Variants in ITGAV observed in about 807,000 individuals in gnomAD.
ITGAV encodes integrin subunit alpha V.
ITGAV carries 76 observed loss-of-function variants against 143.8 expected under a neutral mutation model. The ratio of observed to expected loss-of-function variants is 0.53; its 90% CI spans 0.44 to 0.64. The LOEUF (loss-of-function observed/expected upper bound fraction) is 0.64, where lower values mean the gene tolerates loss of function less well. Among genes scored for constraint, ITGAV ranks in the 30% least tolerant of loss-of-function variants. The pLI, the probability that ITGAV is intolerant of heterozygous loss-of-function variation, is 0.00. For synonymous variants in ITGAV, 453 were observed against 446.7 expected, an observed-to-expected ratio of 1.01 and a Z score of -0.18; for missense variants, 1,193 against 1,274.7, an observed-to-expected ratio of 0.94 and a Z score of 0.98.
intron 21 of ITGAV, 122 bp downstream of exon 21, chr2:186,665,340 T>A: frequency 1.5e-6 from 1 of 652,342 alleles, no homozygotes; most frequent in East Asian, 2.7e-5. Context: ...TTGGTTTCGA[T>A]ATAATAGTTA....
intron 28 of ITGAV, 63 bp downstream of exon 28, chr2:186,675,990 AT>A (rs1436634923): frequency 1.1e-6 from 1 of 928,386 alleles, no homozygotes; most frequent in East Asian, 2.5e-5. Flanking sequence ...ACATGTTTTT[AT>A]TTTGTTTTTT....
chr2:186,652,583 T>G (rs1461891336), intron 15 of ITGAV, among the ~76,000 whole-genome samples: 8 of 152,156 alleles, frequency 5.3e-5, no homozygotes, highest in African/African-American at 1.9e-4. Flanking sequence ...TATAAATTAG[T>G]ATGAAATTAA....
At chr2:186,600,506 C>G (rs988862136) in intron 1 of ITGAV, 5 of 1,287,428 alleles carry the variant, frequency 3.9e-6, no homozygotes, top group Non-Finnish European at 5.4e-6. Flanking sequence ...CCCCTCTCAT[C>G]CTTAGAGATA....
chr2:186,627,906 AC>A (rs1687717952), intron 4 of ITGAV, among the ~76,000 whole-genome samples: 1 of 152,182 alleles, frequency 6.6e-6, no homozygotes, highest in Non-Finnish European at 1.5e-5. Context: ...ACTTTCAGTA[AC>A]CCTTGATTAT....
At position 186,667,725 on chromosome 2, in the gene ITGAV, G is replaced by A. The variant is rs1224062451; in HGVS notation, c.2382G>A (p.Glu794=). The A allele has an allele frequency of 1.9e-6, 3 of 1,611,402 alleles. No homozygotes were observed. Among genetic ancestry groups the A allele is most frequent in the East Asian group, 2.2e-5 (1 of 44,822 alleles). ...FLPIPNWEHK[E]NPETEEDVGP... is the part of the protein sequence containing the mutation. ...CGATTCCAAACTGGGAGCACAAGGAGAACCCTGAGACTGAAGAAGATGTTG... is the reference window on the plus strand; with the variant it reads ...CGATTCCAAACTGGGAGCACAAGGAAAACCCTGAGACTGAAGAAGATGTTG... The change falls in exon 24 of 30, where the codon GAG becomes GAA. Residue 794 remains glutamate, a synonymous_variant. Transcript: ENST00000261023.
rs950803144 is a variant in ITGAV, at chr2:186,643,859, T to C, written c.1159+2271T>C. 2.7e-4 allele frequency among the ~76,000 whole-genome samples: 41 copies of C among 152,100 alleles called. 2 individuals carry two copies. Among genetic ancestry groups the C allele is most frequent in the South Asian group, 2.1e-4 (1 of 4,814 alleles). The stretch of plus-strand genomic sequence containing the variant: ...TTAACATGTATAAAATAATGAAACG[T>C]TTAGGAAAGTTACAGATAATTTTTA... On this transcript the variant is annotated intron_variant, in intron 12 of 29. Coordinates refer to ENST00000261023, the MANE Select transcript of ITGAV (RefSeq NM_002210.5).
Position 186,664,495 on chromosome 2 carries a change from G to C in ITGAV, c.1927G>C (p.Asp643His). The change falls in exon 20 of 30, where the codon GAT becomes CAT. Residue 643 changes from aspartate (D) to histidine (H), a missense_variant and splice_region_variant. Asp to His is a moderately conservative substitution (Grantham distance 81, BLOSUM62 -1). Transcript: ENST00000261023. ...KPKLEVSVDS[D>H]QKKIYIGDDN... is the part of the protein sequence containing the mutation. ...TGGATTTGTATTGTTAACTTGTAGTGATCAAAAGAAGATCTATATTGGGGA... is the reference window on the plus strand; with the variant it reads ...TGGATTTGTATTGTTAACTTGTAGTCATCAAAAGAAGATCTATATTGGGGA... The C allele has an allele frequency of 6.2e-7, 1 of 1,613,534 alleles. No individual in the cohort carries two copies. Among genetic ancestry groups the C allele is most frequent in the Non-Finnish European group, 8.5e-7 (1 of 1,179,722 alleles).
At chr2:186,658,955 C>G in intron 17 of ITGAV, 83 bp from the exon 18 acceptor site, 2 of 963,156 alleles carry the variant, frequency 2.1e-6, no homozygotes, top group Non-Finnish European at 3.1e-6. Context: ...ATGAATACAG[C>G]TGGCTTTGTA....
chr2:186,622,430 G>A lies in ITGAV; in HGVS notation c.408G>A (p.Leu136=). 1 of 1,602,150 alleles carries A rather than the reference G, an allele frequency of 6.2e-7. No homozygotes were observed. The highest frequency in any genetic ancestry group is 8.6e-7 in the Non-Finnish European group (1 of 1,169,282). ...TGAGGTCGAAACAGGATAAAATTTT[G>A]GTGAGTCTTCTGGATATTTACTTAC... is the stretch of plus-strand genomic sequence containing the variant. ...ASVRSKQDKI[L]ACAPLYHWRT... is the part of the protein sequence containing the mutation. Residue 136 remains leucine (L), a splice_region_variant and synonymous_variant, in exon 3 of 30, where the codon TTG becomes TTA. Transcript: ENST00000261023.
intron 12 of ITGAV, 62 bp downstream of exon 12, chr2:186,641,650 G>A (rs965859254): frequency 7.2e-7 from 1 of 1,394,344 alleles, no homozygotes; most frequent in Non-Finnish European, 1.0e-6. Context: ...GAAAAGTTCT[G>A]TAAGTCCATC....
intron 13 of ITGAV, 123 bp downstream of exon 13, chr2:186,647,000 CCT>C: frequency 1.5e-6 from 1 of 688,216 alleles, no homozygotes; most frequent in Non-Finnish European, 2.3e-6. Context: ...GTTGATCAAA[CCT>C]CTAAAATATT....
chr2:186,669,848 A>G (rs1689015976), intron 26 of ITGAV, 34 bp downstream of exon 26: 7 of 1,363,860 alleles, frequency 5.1e-6, no homozygotes, highest in Non-Finnish European at 6.3e-6. Context: ...CACCATAGAC[A>G]TTTAAAAATA....
intron 3 of ITGAV, among the ~76,000 whole-genome samples, 200 bp from the exon 4 acceptor site, chr2:186,625,273 G>C (rs1687641051): frequency 6.6e-6 from 1 of 152,076 alleles, no homozygotes; most frequent in Non-Finnish European, 1.5e-5. Context: ...CTACTCAAGA[G>C]GGTAAGGCCA....
rs201172979 is a variant in ITGAV at position 186,666,750 on chromosome 2, A to T, written c.2213A>T (p.Asp738Val). ...RFSVHQQSEM[D>V]TSVKFDLQIQ... is the part of the protein sequence containing the mutation. The stretch of plus-strand genomic sequence containing the variant: ...AGTGTGCACCAGCAGTCAGAGATGG[A>T]TACTTCTGTGAAATTTGACTTACAA... The change falls in exon 22 of 30, where the codon GAT becomes GTT. Residue 738 changes from aspartate to valine, a missense_variant. Transcript: ENST00000261023. 1.3e-6 allele frequency: 2 copies of T among 1,586,448 alleles called. No homozygotes were observed. The highest frequency in any genetic ancestry group is 8.6e-7 in the Non-Finnish European group (1 of 1,168,724).
intron 2 of ITGAV, among the ~76,000 whole-genome samples, chr2:186,603,237 T>C (rs1367283491): frequency 1.3e-5 from 2 of 152,240 alleles, no homozygotes; most frequent in Non-Finnish European, 2.9e-5. Flanking sequence ...TTTGCTGGCT[T>C]TGACAGAGTG....
intron 2 of ITGAV, among the ~76,000 whole-genome samples, chr2:186,605,917 TATG>T (rs1687055115): frequency 6.6e-6 from 1 of 150,946 alleles, no homozygotes; most frequent in Admixed American, 6.6e-5. Context: ...TGTCCCTGTT[TATG>T]ATATTTCTGT....
intron 2 of ITGAV, among the ~76,000 whole-genome samples, chr2:186,618,406 A>C (rs1268873367): frequency 6.6e-6 from 1 of 152,236 alleles, no homozygotes; most frequent in Non-Finnish European, 1.5e-5. Context: ...AAGATATGTC[A>C]AATTTGTACT....
chr2:186,637,140 TA>T (rs1188664073), intron 8 of ITGAV, 31 bp downstream of exon 8: 27 of 1,555,262 alleles, frequency 1.7e-5, no homozygotes, highest in African/African-American at 5.4e-5. Flanking sequence ...ATCTAATCTT[TA>T]AAAAAATTAG....
At position 186,659,123 on chromosome 2, in the gene ITGAV, C is replaced by T. The variant is rs375197365; in HGVS notation, c.1805C>T (p.Thr602Ile). 1.2e-6 allele frequency: 2 copies of T among 1,612,912 alleles called. No homozygotes were observed. The highest frequency in any genetic ancestry group is 1.7e-5 in the Admixed American group (1 of 59,942). Reference protein sequence around the residue: ...RLDYRTAADTTGLQPILNQFT... With the variant: ...RLDYRTAADTIGLQPILNQFT... ...GATTATAGAACAGCTGCTGATACAA[C>T]AGGCTTGCAACCCATTCTTAACCAG... Residue 602 changes from threonine (T) to isoleucine (I), a missense_variant, in exon 18 of 30, where the codon ACA (threonine) becomes ATA (isoleucine). Transcript: ENST00000261023.
Sources: allele counts gnomAD v4.1 joint callset (sites outside exome capture counted in the v4.1 genomes callset), GRCh38; gene constraint gnomAD v4.1.1; transcripts MANE v1.5; gene names NCBI Gene and HGNC (gene_info 2026-07-23, HGNC 2026-07-21).